Variants in SLX4IP observed in about 807,000 individuals in gnomAD.
SLX4IP encodes the protein SLX4 interacting protein, also known as protein SLX4IP.
In SLX4IP, 34 loss-of-function variants were observed where a neutral mutation model predicts 32.9. The observed-to-expected ratio is 1.03, with a 90% CI of 0.79 to 1.38. The LOEUF (loss-of-function observed/expected upper bound fraction) is 1.38, where lower values mean the gene tolerates loss of function less well. Among genes scored for constraint, SLX4IP ranks in the 40% most tolerant of loss-of-function variants. The pLI, the probability that SLX4IP is intolerant of heterozygous loss-of-function variation, is 0.00. For missense variants in SLX4IP, 444 were observed against 479.0 expected (o/e 0.93, Z 0.68); for synonymous variants, 172 against 171.7 (o/e 1.00, Z -0.01).
At chr20:10,517,716 G>C (rs1424245665) in intron 2 of SLX4IP, among the ~76,000 whole-genome samples, 1 of 152,176 alleles carries the variant, frequency 6.6e-6, no homozygotes, top group Non-Finnish European at 1.5e-5. Context: ...CCCTCCATCT[G>C]TGCTGATGAT....
At chr20:10,622,440 A>G (rs2067122383) in intron 7 of SLX4IP, among the ~76,000 whole-genome samples, 1 of 152,228 alleles carries the variant, frequency 6.6e-6, no homozygotes, top group Non-Finnish European at 1.5e-5. Flanking sequence ...ATTGATAAGC[A>G]GTATCATGTA....
Position 10,601,765 on chromosome 20 carries a change from T to A in SLX4IP, c.351T>A (p.Cys117Ter). The change falls in exon 6 of 8, where the codon TGT becomes TGA. Residue 117 changes from cysteine to a stop codon, truncating the protein, a stop_gained. Transcript: ENST00000334534. LOFTEE classifies it high-confidence loss of function. The part of the protein sequence containing the change: ...LCVFPDRFVV[C>*]VSQLAFSRDL... ...TATTCCCTGACAGATTTGTGGTTTGTGTCAGTCAGCTTGCATTCAGTCGTG... is the reference window on the plus strand; with the variant it reads ...TATTCCCTGACAGATTTGTGGTTTGAGTCAGTCAGCTTGCATTCAGTCGTG... The A allele has an allele frequency of 6.2e-7, 1 of 1,614,094 alleles. No individual in the cohort carries two copies. The highest frequency in any genetic ancestry group is 8.5e-7 in the Non-Finnish European group (1 of 1,179,958).
At chr20:10,482,017 A>T (rs1021652652) in intron 2 of SLX4IP, among the ~76,000 whole-genome samples, 1 of 152,182 alleles carries the variant, frequency 6.6e-6, no homozygotes, top group African/African-American at 2.4e-5. Context: ...ATCTAATCCC[A>T]AAGTGATATC....
At chr20:10,520,250 C>T (rs1255107424) in intron 2 of SLX4IP, among the ~76,000 whole-genome samples, 1 of 152,038 alleles carries the variant, frequency 6.6e-6, no homozygotes, top group Non-Finnish European at 1.5e-5. Flanking sequence ...TGGGGTTTCA[C>T]CGTGTTAGCC....
intron 4 of SLX4IP, among the ~76,000 whole-genome samples, chr20:10,581,281 TGAAAA>T (rs2066583486): frequency 6.6e-6 from 1 of 152,026 alleles, no homozygotes. Flanking sequence ...GAGAAAATCC[TGAAAA>T]GTAGTGATAT....
At chr20:10,475,938 C>T (rs708934) in intron 2 of SLX4IP, among the ~76,000 whole-genome samples, 102,602 of 151,998 alleles carry the variant, frequency 0.68, 34,875 homozygotes, top group South Asian at 0.81. Flanking sequence ...GGCCTTTTTA[C>T]AGAACATAGT....
At chr20:10,601,500 G>A (rs1330438453) in intron 5 of SLX4IP, among the ~76,000 whole-genome samples, 1 of 152,136 alleles carries the variant, frequency 6.6e-6, no homozygotes, top group Non-Finnish European at 1.5e-5. Flanking sequence ...TAATGTAATG[G>A]TCCCGGGGCG....
At chr20:10,473,956 G>A (rs900294276) in intron 2 of SLX4IP, among the ~76,000 whole-genome samples, 12 of 152,048 alleles carry the variant, frequency 7.9e-5, no homozygotes, top group African/African-American at 2.9e-4. Context: ...CCAAGTAGCT[G>A]GGATTACAGA....
chr20:10,488,042 A>G (rs2065589580), intron 2 of SLX4IP, among the ~76,000 whole-genome samples: 1 of 148,410 alleles, frequency 6.7e-6, no homozygotes, highest in South Asian at 2.2e-4. Context: ...TGAATAAGAA[A>G]GGCCACTGTC....
intron 4 of SLX4IP, among the ~76,000 whole-genome samples, chr20:10,563,890 C>A (rs2066359376): frequency 6.6e-6 from 1 of 152,166 alleles, no homozygotes; most frequent in African/African-American, 2.4e-5. Context: ...CTATTTGGGT[C>A]TTTTGTGGTT....
At chr20:10,596,762 C>T (rs2066775391) in intron 4 of SLX4IP, among the ~76,000 whole-genome samples, 1 of 152,142 alleles carries the variant, frequency 6.6e-6, no homozygotes, top group South Asian at 2.1e-4. Flanking sequence ...AAGGATTCCA[C>T]TTCTTCCCTC....
In SLX4IP at chr20:10,626,626, G is replaced by A. The variant is rs2122579568; in HGVS notation, c.*3247G>A. 6.6e-6 allele frequency: 1 copy of A among 152,254 alleles called. No homozygotes were observed. The highest frequency in any genetic ancestry group is 6.5e-5 in the Admixed American group (1 of 15,300). The allele number at this position is 152,254 out of a possible 1,614,324, so 9.4% of individuals were successfully genotyped here. On this transcript the variant is annotated 3_prime_UTR_variant, in exon 8 of 8. Coordinates refer to ENST00000334534, the MANE Select transcript of SLX4IP (RefSeq NM_001009608.3). Reference sequence around the variant, plus strand: ...TATTTTAATGTCCATAAACAAGAAAGGTCTGGGAACAATCTGTATGATTTT... The same window carrying A: ...TATTTTAATGTCCATAAACAAGAAAAGTCTGGGAACAATCTGTATGATTTT...
chr20:10,448,444 A>G (rs1429296955), intron 1 of SLX4IP, among the ~76,000 whole-genome samples: 2 of 152,212 alleles, frequency 1.3e-5, no homozygotes, highest in Admixed American at 6.5e-5. Flanking sequence ...TGACCCGGTG[A>G]TTTCATCATT....
intron 2 of SLX4IP, among the ~76,000 whole-genome samples, chr20:10,515,375 G>A (rs984895095): frequency 9.2e-5 from 14 of 152,144 alleles, no homozygotes; most frequent in South Asian, 2.1e-4. Context: ...ATGAGCCACC[G>A]TGCCAGACCT....
At chr20:10,450,967 T>C (rs1053294595) in intron 1 of SLX4IP, among the ~76,000 whole-genome samples, 13 of 152,132 alleles carry the variant, frequency 8.5e-5, no homozygotes, top group African/African-American at 3.1e-4. Context: ...TTAGCCAGGA[T>C]GGTCTCGATC....
chr20:10,517,691 T>C (rs1016974185), intron 2 of SLX4IP, among the ~76,000 whole-genome samples: 2 of 152,116 alleles, frequency 1.3e-5, no homozygotes, highest in African/African-American at 4.8e-5. Context: ...GAGAGCATCT[T>C]GGGTATTTAG....
intron 7 of SLX4IP, among the ~76,000 whole-genome samples, chr20:10,622,205 T>C (rs189598081): frequency 2.6e-4 from 39 of 152,346 alleles, no homozygotes; most frequent in Non-Finnish European, 4.4e-4. Flanking sequence ...GGTGGTTATA[T>C]TTGGGTAACA....
intron 2 of SLX4IP, among the ~76,000 whole-genome samples, chr20:10,520,010 A>G (rs1246691962): frequency 2.0e-5 from 3 of 152,116 alleles, no homozygotes; most frequent in Non-Finnish European, 2.9e-5. Context: ...TTTATTTTCT[A>G]GAGAAATGTC....
intron 1 of SLX4IP, among the ~76,000 whole-genome samples, chr20:10,451,723 C>G (rs996860656): frequency 6.6e-6 from 1 of 151,772 alleles, no homozygotes; most frequent in African/African-American, 2.4e-5. Flanking sequence ...AATCCCAGCA[C>G]TTTGGGAGGC....
Sources: allele counts gnomAD v4.1 joint callset (sites outside exome capture counted in the v4.1 genomes callset), GRCh38; gene constraint gnomAD v4.1.1; transcripts MANE v1.5; gene names NCBI Gene and HGNC (gene_info 2026-07-23, HGNC 2026-07-21).